The following CMPK1 variants were observed in gnomAD, a reference collection of about 807,000 sequenced individuals.
The protein encoded by CMPK1 is cytidine/uridine monophosphate kinase 1, also known as UMP-CMP kinase.
Under a neutral mutation model 25.7 loss-of-function variants are expected in CMPK1, and 10 were observed. The observed-to-expected ratio is 0.39, with a 90% CI of 0.24 to 0.66. The LOEUF (loss-of-function observed/expected upper bound fraction) is 0.66, where lower values mean the gene tolerates loss of function less well. Among genes scored for constraint, CMPK1 ranks in the 30% least tolerant of loss-of-function variants. The pLI is 0.48. For synonymous variants in CMPK1, 106 were observed against 101.5 expected, an observed-to-expected ratio of 1.04 and a Z score of -0.27; for missense variants, 199 against 280.5, an observed-to-expected ratio of 0.71 and a Z score of 2.08.
At chr1:47,371,131 G>A (rs952520792) in intron 2 of CMPK1, among the ~76,000 whole-genome samples, 13 of 152,074 alleles carry the variant, frequency 8.5e-5, no homozygotes, top group Admixed American at 8.5e-4. Flanking sequence ...AGAAATGGCT[G>A]AAGCCTGATG....
chr1:47,337,135 T>C (rs1646404810), intron 1 of CMPK1, among the ~76,000 whole-genome samples: 1 of 151,994 alleles, frequency 6.6e-6, no homozygotes, highest in African/African-American at 2.4e-5. Context: ...ATACAAAAAT[T>C]AGCCGGGCGT....
At chr1:47,335,003 G>T (rs776705800) in intron 1 of CMPK1, among the ~76,000 whole-genome samples, 1 of 152,154 alleles carries the variant, frequency 6.6e-6, no homozygotes, top group Non-Finnish European at 1.5e-5. Flanking sequence ...TGTATGGTTG[G>T]TTAGCTGCAT....
chr1:47,353,857 C>G (rs777743600), intron 1 of CMPK1, among the ~76,000 whole-genome samples: 2 of 152,124 alleles, frequency 1.3e-5, no homozygotes, highest in Admixed American at 6.6e-5. Flanking sequence ...GCTGGGATTA[C>G]AGGCACCCGC....
intron 1 of CMPK1, among the ~76,000 whole-genome samples, chr1:47,361,933 C>T (rs1192617602): frequency 2.0e-5 from 3 of 147,082 alleles, no homozygotes; most frequent in Non-Finnish European, 1.5e-5. Flanking sequence ...TGCAATGGCG[C>T]GATCTTGGCT....
At chr1:47,337,588 G>C (rs1646408329) in intron 1 of CMPK1, among the ~76,000 whole-genome samples, 1 of 151,398 alleles carries the variant, frequency 6.6e-6, no homozygotes, top group Non-Finnish European at 1.5e-5. Flanking sequence ...CTATTCCCTA[G>C]CTGGCTAGAC....
At chr1:47,344,619 C>T (rs1346337668) in intron 1 of CMPK1, among the ~76,000 whole-genome samples, 2 of 151,950 alleles carry the variant, frequency 1.3e-5, no homozygotes, top group Admixed American at 1.3e-4. Context: ...CTGCCTCAGC[C>T]TCCCAAGTAG....
intron 3 of CMPK1, 131 bp from the exon 4 acceptor site, chr1:47,374,778 T>C (rs1646696689): frequency 6.8e-6 from 4 of 592,314 alleles, no homozygotes; most frequent in Non-Finnish European, 1.2e-5. Context: ...TGCATGTTGA[T>C]TAATGAATTA....
chr1:47,334,025 T>C lies in CMPK1; in HGVS notation c.80T>C (p.Leu27Pro), dbSNP rs773308240. 35 of 1,554,208 alleles carry C rather than the reference T, an allele frequency of 2.3e-5. No individual in the cohort carries two copies. Among genetic ancestry groups the C allele is most frequent in the Non-Finnish European group, 2.8e-5 (32 of 1,150,444 alleles). The part of the protein sequence containing the change: ...FLLQTRRPIL[L>P]CSPRLMKPLV... ...CTGCAGACCCGCCGGCCGATTCTCCTCTGCTCTCCACGTCTCATGAAGCCG... is the reference window on the plus strand; with the variant it reads ...CTGCAGACCCGCCGGCCGATTCTCCCCTGCTCTCCACGTCTCATGAAGCCG... The change falls in exon 1 of 6, where the codon CTC becomes CCC. Residue 27 changes from leucine (L) to proline (P), a missense_variant. Physicochemically the swap from Leu to Pro is moderately conservative, Grantham distance 98 (BLOSUM62 -3). Coordinates refer to ENST00000371873, the MANE Select transcript of CMPK1 (RefSeq NM_016308.3).
intron 2 of CMPK1, 51 bp downstream of exon 2, chr1:47,368,666 T>G: frequency 1.4e-6 from 2 of 1,426,710 alleles, no homozygotes; most frequent in Non-Finnish European, 1.9e-6. Context: ...AAGAAGAAAT[T>G]AAATTCACCT....
At position 47,373,086 on chromosome 1, in the gene CMPK1, CT is replaced by C; in HGVS notation, c.456del (p.Phe152LeufsTer56). 4 of 1,607,596 alleles carry C rather than the reference CT, an allele frequency of 2.5e-6. No individual in the cohort carries two copies. Among genetic ancestry groups the C allele is most frequent in the East Asian group, 2.2e-5 (1 of 44,594 alleles). ...DGKADVSFVL[F>X]FDCNNEICIE... ...GGAAGGCAGATGTATCTTTCGTTCTCTTTTTTGACTGTAATAATGAGGTAAT... is the reference window on the plus strand; with the variant it reads ...GGAAGGCAGATGTATCTTTCGTTCTCTTTTTGACTGTAATAATGAGGTAAT... On this transcript the variant is annotated frameshift_variant, in exon 3 of 6. Transcript: ENST00000371873. LOFTEE classifies it high-confidence loss of function.
At chr1:47,373,154 G>C (rs974036066) in intron 3 of CMPK1, 47 bp downstream of exon 3, 1 of 1,511,960 alleles carries the variant, frequency 6.6e-7, no homozygotes, top group Admixed American at 2.2e-5. Flanking sequence ...GCAACTGTTA[G>C]TCAACTATTA....
chr1:47,365,922 G>C (rs943354680), intron 1 of CMPK1, among the ~76,000 whole-genome samples: 1 of 152,126 alleles, frequency 6.6e-6, no homozygotes, highest in Admixed American at 6.6e-5. Flanking sequence ...GGTCAGGCAT[G>C]GTGGCTCATG....
intron 1 of CMPK1, among the ~76,000 whole-genome samples, chr1:47,335,066 A>G (rs1646386426): frequency 6.6e-6 from 1 of 152,214 alleles, no homozygotes; most frequent in Non-Finnish European, 1.5e-5. Context: ...TGCTTGGGAA[A>G]GAAGGAAAAC....
At chr1:47,353,566 C>T (rs1424368726) in intron 1 of CMPK1, among the ~76,000 whole-genome samples, 1 of 152,152 alleles carries the variant, frequency 6.6e-6, no homozygotes, top group Non-Finnish European at 1.5e-5. Context: ...TTTGATTGTG[C>T]AGGTACTGTT....
chr1:47,349,715 AAT>A (rs1303104303), intron 1 of CMPK1, among the ~76,000 whole-genome samples: 1 of 152,168 alleles, frequency 6.6e-6, no homozygotes, highest in Non-Finnish European at 1.5e-5. Context: ...AATTTTAAGA[AAT>A]GTGCTATTAG....
intron 1 of CMPK1, among the ~76,000 whole-genome samples, chr1:47,352,616 A>G (rs6684213): frequency 2.4e-4 from 37 of 152,162 alleles, no homozygotes; most frequent in Non-Finnish European, 2.8e-4. Context: ...TGGGATGCCC[A>G]TTAAGCAAAA....
intron 1 of CMPK1, among the ~76,000 whole-genome samples, chr1:47,366,956 C>T (rs995296924): frequency 1.3e-5 from 2 of 152,114 alleles, no homozygotes; most frequent in Non-Finnish European, 2.9e-5. Flanking sequence ...AAACTCCTGA[C>T]CTCAGGTGAT....
At chr1:47,376,612 C>A (rs901061473) in intron 5 of CMPK1, 92 bp from the exon 6 acceptor site, 4 of 797,896 alleles carry the variant, frequency 5.0e-6, no homozygotes, top group Admixed American at 2.2e-5. Context: ...CACCGCGCCC[C>A]GCCAAATTTG....
chr1:47,342,948 A>G (rs1190408011), intron 1 of CMPK1, among the ~76,000 whole-genome samples: 1 of 148,688 alleles, frequency 6.7e-6, no homozygotes, highest in African/African-American at 2.5e-5. Flanking sequence ...GCGCCCGGCA[A>G]TTCTTTTTTT....
Sources: gnomAD v4.1 joint callset for allele counts (sites outside exome capture counted in the v4.1 genomes callset) on GRCh38, gnomAD v4.1.1 for gene constraint, MANE v1.5 for transcripts, NCBI Gene and HGNC (gene_info 2026-07-23, HGNC 2026-07-21) for gene names.